EFNA5: variants seen among roughly 807,000 people sequenced by gnomAD.
The protein encoded by EFNA5 is ephrin A5, also known as ephrin-A5.
In EFNA5, 5 loss-of-function variants were observed where a neutral mutation model predicts 22.9. The ratio of observed to expected loss-of-function variants is 0.22; its 90% CI spans 0.11 to 0.46. The LOEUF is 0.46. Among genes scored for constraint, EFNA5 ranks in the 20% least tolerant of loss-of-function variants. The pLI is 0.99. For synonymous variants in EFNA5, 113 were observed against 112.2 expected (o/e 1.01, Z -0.04); for missense variants, 237 against 293.3 (o/e 0.81, Z 1.40).
chr5:107,614,413 T>C (rs1749875003), intron 1 of EFNA5, among the ~76,000 whole-genome samples: 1 of 152,188 alleles, frequency 6.6e-6, no homozygotes, highest in African/African-American at 2.4e-5. Flanking sequence ...TATTACCTTA[T>C]GTAAAATGTG....
At chr5:107,539,648 G>C (rs574398268) in intron 1 of EFNA5, among the ~76,000 whole-genome samples, 1 of 151,916 alleles carries the variant, frequency 6.6e-6, no homozygotes, top group Admixed American at 6.6e-5. Flanking sequence ...TAGTAGAGAC[G>C]GGGTTTCACC....
chr5:107,570,595 G>A (rs73198667), intron 1 of EFNA5, among the ~76,000 whole-genome samples: 3,024 of 151,790 alleles, frequency 0.02, 99 homozygotes, highest in African/African-American at 0.067. Context: ...TGAACAATGA[G>A]GCTCTGGGAA....
chr5:107,566,170 T>C (rs1748663374), intron 1 of EFNA5, among the ~76,000 whole-genome samples: 1 of 152,168 alleles, frequency 6.6e-6, no homozygotes, highest in South Asian at 2.1e-4. Flanking sequence ...CTCTAAGTGA[T>C]GGCACGCAGG....
At chr5:107,506,557 G>A (rs1242284517) in intron 1 of EFNA5, among the ~76,000 whole-genome samples, 1 of 152,156 alleles carries the variant, frequency 6.6e-6, no homozygotes, top group African/African-American at 2.4e-5. Flanking sequence ...GCAATCTGGG[G>A]CCAGATGAGC....
At chr5:107,451,286 A>T (rs1011959864) in intron 1 of EFNA5, among the ~76,000 whole-genome samples, 1 of 152,220 alleles carries the variant, frequency 6.6e-6, no homozygotes, top group African/African-American at 2.4e-5. Flanking sequence ...TTAATTGCCC[A>T]TAGAGCAACT....
Position 107,529,389 on chromosome 5 carries a change from G to A in EFNA5, c.126-101880C>T, listed in dbSNP as rs886772697. Among the ~76,000 whole-genome samples the A allele has an allele frequency of 3.9e-5, 6 of 151,946 alleles. No individual in the cohort carries two copies. In the East Asian group the frequency reaches 5.8e-4, roughly 15 times the overall value. The stretch of plus-strand genomic sequence containing the variant: ...GGTCAGGTAAACTCTAGCTGCCACC[G>A]TAGCCCAAAAAAACCAACTAGATAA... On this transcript the variant is annotated intron_variant, in intron 1 of 4. Transcript: ENST00000333274.
intron 1 of EFNA5, among the ~76,000 whole-genome samples, chr5:107,489,480 T>C (rs1003133163): frequency 1.3e-4 from 20 of 152,208 alleles, no homozygotes; most frequent in Admixed American, 4.6e-4. Context: ...CTGGACCAGA[T>C]AAAATTTAAA....
intron 1 of EFNA5, among the ~76,000 whole-genome samples, chr5:107,524,017 C>G (rs915465683): frequency 6.6e-6 from 1 of 152,186 alleles, no homozygotes; most frequent in African/African-American, 2.4e-5. Context: ...TTAATAGATT[C>G]CTTTTTAATG....
chr5:107,477,356 T>C (rs1430176379), intron 1 of EFNA5, among the ~76,000 whole-genome samples: 2 of 152,204 alleles, frequency 1.3e-5, no homozygotes, highest in African/African-American at 4.8e-5. Flanking sequence ...GAATAATATC[T>C]GCAGAAACTC....
intron 1 of EFNA5, among the ~76,000 whole-genome samples, chr5:107,468,517 T>C (rs1750053775): frequency 6.6e-6 from 1 of 152,182 alleles, no homozygotes; most frequent in Non-Finnish European, 1.5e-5. Flanking sequence ...AACTGAATGG[T>C]GCCAGGTGAC....
Position 107,382,830 on chromosome 5 carries a change from C to G in EFNA5, c.566-1454G>C, listed in dbSNP as rs569751807. ...GGCCAGACAGAATGGTAACAAGGCT[C>G]TAGTGGTTGTTCTCAATTATACTGA... On this transcript the variant is annotated intron_variant, in intron 4 of 4. Coordinates refer to ENST00000333274, the MANE Select transcript of EFNA5 (RefSeq NM_001962.3). Among the ~76,000 whole-genome samples, 7 of 152,270 alleles carry G rather than the reference C, an allele frequency of 4.6e-5. No individual in the cohort carries two copies. In the East Asian group the frequency reaches 1.4e-3, roughly 29 times the overall value.
intron 1 of EFNA5, among the ~76,000 whole-genome samples, chr5:107,521,465 T>C (rs1024582176): frequency 7.7e-6 from 1 of 129,774 alleles, no homozygotes; most frequent in Non-Finnish European, 1.5e-5. Context: ...GCTATATATA[T>C]ATATATATAT....
At chr5:107,597,007 C>T (rs1033077386) in intron 1 of EFNA5, among the ~76,000 whole-genome samples, 6 of 152,272 alleles carry the variant, frequency 3.9e-5, no homozygotes, top group Admixed American at 1.3e-4. Flanking sequence ...GAGCAAGTTA[C>T]TTACCTTCTC....
At chr5:107,497,969 G>T (rs2112422184) in intron 1 of EFNA5, among the ~76,000 whole-genome samples, 1 of 152,318 alleles carries the variant, frequency 6.6e-6, no homozygotes, top group South Asian at 2.1e-4. Flanking sequence ...AGGCTGGAGT[G>T]CAGTGGCGCG....
At chr5:107,501,294 T>G (rs1016317356) in intron 1 of EFNA5, among the ~76,000 whole-genome samples, 3 of 152,370 alleles carry the variant, frequency 2.0e-5, no homozygotes, top group African/African-American at 7.2e-5. Context: ...TCTTACCTCC[T>G]GCACAACACA....
At chr5:107,622,396 T>C (rs1750054826) in intron 1 of EFNA5, among the ~76,000 whole-genome samples, 1 of 152,208 alleles carries the variant, frequency 6.6e-6, no homozygotes, top group African/African-American at 2.4e-5. Flanking sequence ...CATCTGGATA[T>C]TTGAGTATGG....
At chr5:107,416,838 G>A (rs1195844807) in intron 2 of EFNA5, among the ~76,000 whole-genome samples, 1 of 152,110 alleles carries the variant, frequency 6.6e-6, no homozygotes, top group Non-Finnish European at 1.5e-5. Context: ...ACTTAGATTT[G>A]CCCATTAAAA....
chr5:107,425,063 C>G (rs1237908105), intron 2 of EFNA5, among the ~76,000 whole-genome samples: 1 of 152,110 alleles, frequency 6.6e-6, no homozygotes, highest in Non-Finnish European at 1.5e-5. Flanking sequence ...TATTTTGAAG[C>G]ATTTTGGAAC....
At chr5:107,575,805 T>G (rs1464399669) in intron 1 of EFNA5, among the ~76,000 whole-genome samples, 1 of 152,192 alleles carries the variant, frequency 6.6e-6, no homozygotes, top group Non-Finnish European at 1.5e-5. Context: ...GCATCTAGGA[T>G]TCCACCTATT....
Sources: gnomAD v4.1 joint callset for allele counts (sites outside exome capture counted in the v4.1 genomes callset) on GRCh38, gnomAD v4.1.1 for gene constraint, MANE v1.5 for transcripts, NCBI Gene and HGNC (gene_info 2026-07-23, HGNC 2026-07-21) for gene names.